NEIL3: variants seen among roughly 807,000 people sequenced by gnomAD.
NEIL3 encodes nei like DNA glycosylase 3, also known as endonuclease 8-like 3.
A neutral mutation model predicts 57.5 loss-of-function variants in NEIL3; 48 were observed. The ratio of observed to expected loss-of-function variants is 0.83; its 90% CI spans 0.66 to 1.06. The LOEUF is 1.06. Ranked by LOEUF, NEIL3 falls within the 50% of genes least tolerant of loss-of-function variation. The pLI is 0.00. For missense variants in NEIL3, 717 were observed against 739.1 expected (o/e 0.97, Z 0.35); for synonymous variants, 261 against 253.2 (o/e 1.03, Z -0.29).
intron 2 of NEIL3, among the ~76,000 whole-genome samples, chr4:177,327,906 A>G (rs1560910860): frequency 2.0e-5 from 3 of 152,134 alleles, no homozygotes; most frequent in Non-Finnish European, 2.9e-5. Context: ...CCACTTTGTC[A>G]TGATGGATTG....
At chr4:177,354,002 G>C in intron 8 of NEIL3, 1 of 318,108 alleles carries the variant, frequency 3.1e-6, no homozygotes, top group South Asian at 4.4e-5. Context: ...CTGATCTCAA[G>C]TTATCTGCCC....
At chr4:177,325,461 T>C (rs1734763744) in intron 2 of NEIL3, among the ~76,000 whole-genome samples, 1 of 152,126 alleles carries the variant, frequency 6.6e-6, no homozygotes, top group Non-Finnish European at 1.5e-5. Flanking sequence ...TGATGGACAT[T>C]TGGATTGTTT....
intron 2 of NEIL3, among the ~76,000 whole-genome samples, chr4:177,326,301 T>C (rs745878156): frequency 3.9e-5 from 6 of 152,178 alleles, no homozygotes; most frequent in Non-Finnish European, 5.9e-5. Flanking sequence ...AGATTATCCT[T>C]TCTCCATTGA....
At chr4:177,338,388 G>C (rs1426489527) in intron 4 of NEIL3, among the ~76,000 whole-genome samples, 2 of 152,138 alleles carry the variant, frequency 1.3e-5, no homozygotes, top group Admixed American at 6.5e-5. Flanking sequence ...AAGTCCTGCA[G>C]TTGGCCCTAG....
chr4:177,320,623 G>A (rs1048583239), intron 1 of NEIL3, among the ~76,000 whole-genome samples: 1 of 150,964 alleles, frequency 6.6e-6, no homozygotes, highest in Non-Finnish European at 1.5e-5. Flanking sequence ...GGCTACAGGC[G>A]CCCGCCACCA....
chr4:177,351,692 C>T (rs1054754), intron 7 of NEIL3, 143 bp downstream of exon 7: 349,345 of 663,798 alleles, frequency 0.53, 94,200 homozygotes, highest in Middle Eastern at 0.59. Flanking sequence ...TGCCAGTTTT[C>T]ACATGTAAAC....
the NEIL3 span, among the ~76,000 whole-genome samples, chr4:177,370,167 G>T: frequency 1.3e-5 from 2 of 152,080 alleles, no homozygotes; most frequent in Non-Finnish European, 2.9e-5. Context: ...TTAGAAATAG[G>T]AAACATGAAA....
At chr4:177,326,564 T>A (rs1468620779) in intron 2 of NEIL3, among the ~76,000 whole-genome samples, 1 of 152,136 alleles carries the variant, frequency 6.6e-6, no homozygotes, top group Non-Finnish European at 1.5e-5. Flanking sequence ...TTCTACATTT[T>A]AGACTTAGCT....
chr4:177,341,787 A>C, intron 6 of NEIL3, 145 bp downstream of exon 6: 1 of 715,486 alleles, frequency 1.4e-6, no homozygotes, highest in Non-Finnish European at 2.2e-6. Context: ...AGGAAATAGT[A>C]AATAATGTCA....
chr4:177,338,234 C>A (rs1735016941), intron 4 of NEIL3, among the ~76,000 whole-genome samples: 1 of 152,108 alleles, frequency 6.6e-6, no homozygotes, highest in Non-Finnish European at 1.5e-5. Context: ...TTCAGGATGA[C>A]TATGTTGATT....
chr4:177,347,171 T>C (rs17064670), intron 6 of NEIL3, among the ~76,000 whole-genome samples: 5,158 of 152,176 alleles, frequency 0.034, 220 homozygotes, highest in African/African-American at 0.1. Flanking sequence ...GGGAGGACTT[T>C]GTTGAAAAGA....
intron 6 of NEIL3, among the ~76,000 whole-genome samples, chr4:177,347,304 AGG>A (rs1183608403): frequency 6.6e-6 from 1 of 152,144 alleles, no homozygotes; most frequent in African/African-American, 2.4e-5. Flanking sequence ...AACCAAGCAG[AGG>A]GAATGAGAGA....
In NEIL3 at chr4:177,339,721, A is replaced by C. The variant is rs957994656; in HGVS notation, c.628-62A>C. ...CTCTTTCACAGAATTGGCAAGGCGT[A>C]TTATTTCTTACAGTAATGAGCAAGT... On this transcript the variant is annotated intron_variant, in intron 4 of 9. Transcript: ENST00000264596. The C allele has an allele frequency of 2.7e-6, 3 of 1,094,566 alleles. No individual in the cohort carries two copies. The African/African-American group carries it at 4.7e-5, about 17-fold the overall frequency. The allele number at this position is 1,094,566 out of a possible 1,614,324, so 67.8% of individuals were successfully genotyped here.
chr4:177,340,944 T>C (rs1319167991), intron 5 of NEIL3, among the ~76,000 whole-genome samples: 1 of 152,154 alleles, frequency 6.6e-6, no homozygotes, highest in Non-Finnish European at 1.5e-5. Context: ...TTTCTTTCTT[T>C]TTTTATTAAT....
At chr4:177,370,831 G>A in the NEIL3 span, among the ~76,000 whole-genome samples, 1 of 152,044 alleles carries the variant, frequency 6.6e-6, no homozygotes, top group Non-Finnish European at 1.5e-5. Context: ...AGCCAGGGAG[G>A]TCGAGGCTGC....
At chr4:177,311,455 C>T (rs1182149308) in intron 1 of NEIL3, among the ~76,000 whole-genome samples, 2 of 151,644 alleles carry the variant, frequency 1.3e-5, no homozygotes, top group Non-Finnish European at 2.9e-5. Flanking sequence ...GTGGGCAGAT[C>T]GCCTGAGGTT....
At chr4:177,310,676 T>G (rs1734460052) in intron 1 of NEIL3, among the ~76,000 whole-genome samples, 1 of 152,242 alleles carries the variant, frequency 6.6e-6, no homozygotes, top group African/African-American at 2.4e-5. Context: ...GTGAATTTAT[T>G]TCTTTTTAAA....
chr4:177,322,415 T>TTG (rs151200621), intron 1 of NEIL3, 44 bp from the exon 2 acceptor site: 29 of 1,595,336 alleles, frequency 1.8e-5, no homozygotes, highest in Admixed American at 5.1e-5. Flanking sequence ...TGCTTAGAGT[T>TTG]TGTGTGTGTG....
intron 1 of NEIL3, among the ~76,000 whole-genome samples, chr4:177,316,717 A>G (rs1410431207): frequency 2.0e-5 from 3 of 152,176 alleles, no homozygotes; most frequent in African/African-American, 7.2e-5. Context: ...GTGTAAAGCC[A>G]TCAAGGATAT....
Sources: gnomAD v4.1 joint callset for allele counts (sites outside exome capture counted in the v4.1 genomes callset) on GRCh38, gnomAD v4.1.1 for gene constraint, MANE v1.5 for transcripts, NCBI Gene and HGNC (gene_info 2026-07-23, HGNC 2026-07-21) for gene names.